The following TBC1D9 variants were observed in gnomAD, a reference collection of about 807,000 sequenced individuals.
TBC1D9 encodes TBC1 domain family member 9A.
Under a neutral mutation model 132.0 loss-of-function variants are expected in TBC1D9, and 63 were observed. The observed-to-expected ratio is 0.48, with a 90% CI of 0.39 to 0.59. The LOEUF (loss-of-function observed/expected upper bound fraction) is 0.59, where lower values mean the gene tolerates loss of function less well. Ranked by LOEUF, TBC1D9 falls within the 20% of genes least tolerant of loss-of-function variation. The pLI, the probability that TBC1D9 is intolerant of heterozygous loss-of-function variation, is 0.00. For missense variants in TBC1D9, 1,261 were observed against 1,592.7 expected, an observed-to-expected ratio of 0.79 and a Z score of 3.54; for synonymous variants, 610 against 609.9, an observed-to-expected ratio of 1.00 and a Z score of 0.00.
At position 140,756,190 on chromosome 4, in the gene TBC1D9, G is replaced by T; in HGVS notation, c.-145C>A. 1 of 512,452 alleles carries T rather than the reference G, an allele frequency of 2.0e-6. No homozygotes were observed. Among genetic ancestry groups the T allele is most frequent in the Non-Finnish European group, 3.0e-6 (1 of 329,508 alleles). The allele number at this position is 512,452 out of a possible 1,614,324, so 31.7% of individuals were successfully genotyped here. On this transcript the variant is annotated 5_prime_UTR_variant, in exon 1 of 21. The change creates a new upstream start codon in the 5' untranslated region. Transcript: ENST00000442267. This position sits in a 1 kb window ranked among gnomAD's most constrained non-coding sequence, Gnocchi z 5.6. ...GCGGCGGCGGCGGCAGGCGACTTCAGGGGGTGGCCCGCGGCGTCCGGGCCA... is the reference window on the plus strand; with the variant it reads ...GCGGCGGCGGCGGCAGGCGACTTCATGGGGTGGCCCGCGGCGTCCGGGCCA...
At chr4:140,662,232 G>T in intron 9 of TBC1D9, 125 bp from the exon 10 acceptor site, 1 of 821,642 alleles carries the variant, frequency 1.2e-6, no homozygotes, top group Non-Finnish European at 2.1e-6. Flanking sequence ...AAGAGAAGGT[G>T]AAATCACAGA....
At chr4:140,625,590 T>C (rs1157923943) in intron 18 of TBC1D9, among the ~76,000 whole-genome samples, 1 of 152,176 alleles carries the variant, frequency 6.6e-6, no homozygotes, top group African/African-American at 2.4e-5. Flanking sequence ...GTGTACTATG[T>C]GTTGTTGGGA....
intron 1 of TBC1D9, among the ~76,000 whole-genome samples, chr4:140,719,475 A>G (rs142107592): frequency 2.3e-4 from 35 of 152,310 alleles, no homozygotes; most frequent in African/African-American, 8.4e-4. Flanking sequence ...GGGCACTGGA[A>G]GGAAGTGCTT....
At chr4:140,714,575 A>G (rs894639534) in intron 1 of TBC1D9, among the ~76,000 whole-genome samples, 3 of 152,230 alleles carry the variant, frequency 2.0e-5, no homozygotes, top group African/African-American at 7.2e-5. Flanking sequence ...GAGAGGCAAC[A>G]GACAGCAAAT....
chr4:140,733,338 C>T (rs1000973947), intron 1 of TBC1D9, among the ~76,000 whole-genome samples: 1 of 151,828 alleles, frequency 6.6e-6, no homozygotes, highest in Non-Finnish European at 1.5e-5. Flanking sequence ...GTCCAGATAC[C>T]AATCCCTCCT....
Position 140,748,669 on chromosome 4 carries a change from G to A in TBC1D9, c.130+7247C>T, listed in dbSNP as rs138694215. Among the ~76,000 whole-genome samples the A allele has an allele frequency of 3.3e-5, 5 of 152,288 alleles. No individual in the cohort carries two copies. In the East Asian group the frequency reaches 7.7e-4, roughly 23 times the overall value. ...TCAGAAGAAACGATGTCTCAACCAT[G>A]CTTAAAACATATTAAGTGCCAACCA... On this transcript the variant is annotated intron_variant, in intron 1 of 20. Coordinates refer to ENST00000442267, the MANE Select transcript of TBC1D9 (RefSeq NM_015130.3).
chr4:140,637,174 A>AC (rs1172929124), intron 15 of TBC1D9, among the ~76,000 whole-genome samples: 1 of 151,866 alleles, frequency 6.6e-6, no homozygotes, highest in Non-Finnish European at 1.5e-5. Flanking sequence ...ATATGGTGAA[A>AC]CCCCACCTCT....
At chr4:140,657,293 T>C (rs908836298) in intron 12 of TBC1D9, 67 bp from the exon 13 acceptor site, 2 of 1,555,410 alleles carry the variant, frequency 1.3e-6, no homozygotes, top group East Asian at 2.3e-5. Context: ...AATTCTCCAA[T>C]CATTTTCTGC....
At chr4:140,669,997 G>A (rs531723355) in intron 7 of TBC1D9, among the ~76,000 whole-genome samples, 193 bp from the exon 8 acceptor site, 170 of 152,252 alleles carry the variant, frequency 1.1e-3, no homozygotes, top group African/African-American at 3.6e-3. Flanking sequence ...GTCCCAGGCC[G>A]CAGCACTTCA....
intron 13 of TBC1D9, among the ~76,000 whole-genome samples, chr4:140,654,887 T>A (rs929365281): frequency 1.3e-5 from 2 of 152,110 alleles, no homozygotes; most frequent in Non-Finnish European, 2.9e-5. Flanking sequence ...ATCAGAGATG[T>A]GATATTTGGG....
chr4:140,698,881 A>G (rs1456920765), intron 2 of TBC1D9, among the ~76,000 whole-genome samples: 1 of 152,200 alleles, frequency 6.6e-6, no homozygotes, highest in South Asian at 2.1e-4. Context: ...GCAGGAGGCT[A>G]GCCTATATTC....
At chr4:140,716,723 A>G (rs1560894584) in intron 1 of TBC1D9, among the ~76,000 whole-genome samples, 1 of 152,166 alleles carries the variant, frequency 6.6e-6, no homozygotes, top group African/African-American at 2.4e-5. Context: ...ACAAGGTGGG[A>G]GAAATTATTT....
At chr4:140,638,293 C>T (rs951778856) in intron 15 of TBC1D9, among the ~76,000 whole-genome samples, 2 of 152,098 alleles carry the variant, frequency 1.3e-5, no homozygotes, top group Admixed American at 6.5e-5. Flanking sequence ...ACCTCTGATG[C>T]TGATGATACC....
chr4:140,748,315 G>T (rs1011247738), intron 1 of TBC1D9, among the ~76,000 whole-genome samples: 10 of 152,244 alleles, frequency 6.6e-5, no homozygotes, highest in Non-Finnish European at 1.3e-4. Flanking sequence ...TCAGAAAAAA[G>T]TAGCCAAAAT....
At chr4:140,701,369 G>T in intron 2 of TBC1D9, 135 bp downstream of exon 2, 1 of 669,380 alleles carries the variant, frequency 1.5e-6, no homozygotes, top group Non-Finnish European at 2.6e-6. Context: ...TTCATGTGTT[G>T]AAATGGCTAC....
chr4:140,741,362 A>G (rs62346954), intron 1 of TBC1D9, among the ~76,000 whole-genome samples: 58,943 of 151,968 alleles, frequency 0.39, 13,669 homozygotes, highest in African/African-American at 0.64. Context: ...CCCTTTCCAA[A>G]TCTCCTCCAG....
chr4:140,707,635 T>G (rs1386694558), intron 1 of TBC1D9, among the ~76,000 whole-genome samples: 1 of 152,204 alleles, frequency 6.6e-6, no homozygotes, highest in Middle Eastern at 3.2e-3. Flanking sequence ...AGTAATTAAA[T>G]GGAAACATTC....
chr4:140,643,707 G>T, intron 13 of TBC1D9: 1 of 1,203,534 alleles, frequency 8.3e-7, no homozygotes, highest in Admixed American at 2.5e-5. Context: ...GTCCAATGCG[G>T]CCGTGCAGGG....
chr4:140,628,228 T>C, intron 17 of TBC1D9, 72 bp downstream of exon 17: 1 of 1,335,782 alleles, frequency 7.5e-7, no homozygotes, highest in Non-Finnish European at 1.1e-6. Context: ...ACGATCAGGT[T>C]ACACCTAAAA....
Sources: allele counts gnomAD v4.1 joint callset (sites outside exome capture counted in the v4.1 genomes callset), GRCh38; gene constraint gnomAD v4.1.1; non-coding constraint Gnocchi (gnomAD v3.1); transcripts MANE v1.5; gene names NCBI Gene and HGNC (gene_info 2026-07-23, HGNC 2026-07-21).